The following ANKS1B variants were observed in gnomAD, a reference collection of about 807,000 sequenced individuals.
ANKS1B encodes ankyrin repeat and sterile alpha motif domain-containing protein 1B.
Under a neutral mutation model 148.3 loss-of-function variants are expected in ANKS1B, and 36 were observed. The observed-to-expected ratio is 0.24, with a 90% CI of 0.19 to 0.32. The LOEUF (loss-of-function observed/expected upper bound fraction) is 0.32, where lower values mean the gene tolerates loss of function less well. Among genes scored for constraint, ANKS1B ranks in the 10% least tolerant of loss-of-function variants. ANKS1B has a pLI of 1.00. For synonymous variants in ANKS1B, 542 were observed against 560.8 expected, an observed-to-expected ratio of 0.97 and a Z score of 0.47; for missense variants, 1,157 against 1,542.6, an observed-to-expected ratio of 0.75 and a Z score of 4.19.
chr12:99,429,123 G>A (rs7316092), intron 11 of ANKS1B, among the ~76,000 whole-genome samples: 2,225 of 152,188 alleles, frequency 0.015, 56 homozygotes, highest in South Asian at 0.04. Flanking sequence ...CCCCACAAAT[G>A]TATACACATT....
chr12:98,877,977 T>C (rs976427801), intron 17 of ANKS1B, among the ~76,000 whole-genome samples: 2 of 152,146 alleles, frequency 1.3e-5, no homozygotes, highest in African/African-American at 4.8e-5. Context: ...GCTTACAATC[T>C]ACTAGAGGAA....
intron 10 of ANKS1B, 45 bp downstream of exon 10, chr12:99,504,431 A>G: frequency 6.3e-7 from 1 of 1,578,892 alleles, no homozygotes; most frequent in Non-Finnish European, 8.6e-7. Flanking sequence ...TCATATGAAT[A>G]AGCAAGTAAA....
At chr12:98,763,724 T>G (rs1176771699) in intron 25 of ANKS1B, among the ~76,000 whole-genome samples, 1 of 152,246 alleles carries the variant, frequency 6.6e-6, no homozygotes, top group Non-Finnish European at 1.5e-5. Flanking sequence ...GAATACTTTA[T>G]GAGTCTAAAA....
chr12:99,546,308 T>G lies in ANKS1B; in HGVS notation c.1273-41667A>C, dbSNP rs760072755. 1.7e-4 allele frequency among the ~76,000 whole-genome samples: 26 copies of G among 152,306 alleles called. 1 individual carries two copies. The highest frequency in any genetic ancestry group is 1.0e-3 in the Admixed American group (16 of 15,282). On this transcript the variant is annotated intron_variant, in intron 9 of 26. Transcript: ENST00000683438. ...TAATATATATAAGGAAGGGCTAACT[T>G]AAGAAAGACATGCTTTTCAAGAGTT...
intron 1 of ANKS1B, among the ~76,000 whole-genome samples, chr12:99,949,499 T>C (rs1350883130): frequency 1.3e-5 from 2 of 152,086 alleles, no homozygotes; most frequent in Admixed American, 1.3e-4. Flanking sequence ...GGTTAATAAG[T>C]TACTGTAATA....
intron 1 of ANKS1B, among the ~76,000 whole-genome samples, chr12:99,913,101 C>T (rs909985759): frequency 8.5e-5 from 13 of 152,166 alleles, no homozygotes; most frequent in Non-Finnish European, 1.8e-4. Context: ...CCCTTATTTT[C>T]ATATAACTCT....
rs144485816 is a variant in ANKS1B at position 99,574,899 on chromosome 12, C to T, written c.1273-70258G>A. Among the ~76,000 whole-genome samples the T allele has an allele frequency of 3.5e-4, 54 of 152,138 alleles. No homozygotes were observed. The East Asian group carries it at 7.9e-3, about 22-fold the overall frequency. On this transcript the variant is annotated intron_variant, in intron 9 of 26. Coordinates refer to ENST00000683438, the MANE Select transcript of ANKS1B (RefSeq NM_001352186.2). ...CTACTTTCAAAATTCCATTTACCAT[C>T]GTGCCAGAGGTTCTAGCCAGTACAG... is the stretch of plus-strand genomic sequence containing the variant.
intron 16 of ANKS1B, among the ~76,000 whole-genome samples, chr12:99,080,923 G>C (rs2153614716): frequency 6.6e-6 from 1 of 152,276 alleles, no homozygotes; most frequent in African/African-American, 2.4e-5. Flanking sequence ...TGATCTTCAA[G>C]AAGTCCAGGA....
chr12:99,374,576 G>C (rs2093307257), intron 12 of ANKS1B, among the ~76,000 whole-genome samples: 1 of 152,150 alleles, frequency 6.6e-6, no homozygotes, highest in South Asian at 2.1e-4. Flanking sequence ...TGTATGTATA[G>C]TTCACATTTA....
chr12:99,839,337 A>T (rs919282987), intron 1 of ANKS1B, among the ~76,000 whole-genome samples: 29 of 152,180 alleles, frequency 1.9e-4, no homozygotes, highest in African/African-American at 6.8e-4. Flanking sequence ...TTTCCAGCTG[A>T]ATCTGATTTC....
At chr12:98,832,493 G>T (rs1356440646) in intron 17 of ANKS1B, among the ~76,000 whole-genome samples, 2 of 152,044 alleles carry the variant, frequency 1.3e-5, no homozygotes. Flanking sequence ...GGGACAGGCT[G>T]CCCTCTGTCT....
At chr12:99,690,885 A>C (rs2098675694) in intron 8 of ANKS1B, among the ~76,000 whole-genome samples, 1 of 152,074 alleles carries the variant, frequency 6.6e-6, no homozygotes, top group Non-Finnish European at 1.5e-5. Flanking sequence ...TCAACCCCAC[A>C]TTTTCCTTCC....
chr12:99,139,040 T>C (rs1021640659), intron 15 of ANKS1B, among the ~76,000 whole-genome samples: 2 of 149,596 alleles, frequency 1.3e-5, no homozygotes, highest in Admixed American at 6.6e-5. Context: ...TTCACTCAGT[T>C]TCCCAGGCTA....
At chr12:99,063,400 G>C (rs2043070369) in intron 16 of ANKS1B, among the ~76,000 whole-genome samples, 1 of 152,200 alleles carries the variant, frequency 6.6e-6, no homozygotes, top group African/African-American at 2.4e-5. Context: ...TCCAAATGCA[G>C]GTCTATCAAG....
intron 17 of ANKS1B, among the ~76,000 whole-genome samples, chr12:98,874,230 G>C (rs1209379628): frequency 6.6e-6 from 1 of 152,018 alleles, no homozygotes; most frequent in Non-Finnish European, 1.5e-5. Flanking sequence ...GCAATATTGT[G>C]AGAGCAATAA....
chr12:99,476,667 C>T (rs1412460200), intron 10 of ANKS1B, among the ~76,000 whole-genome samples: 1 of 152,130 alleles, frequency 6.6e-6, no homozygotes, highest in Non-Finnish European at 1.5e-5. Context: ...CTATTTTGCA[C>T]TATCTTCACT....
At chr12:99,593,787 T>C (rs1486877905) in intron 9 of ANKS1B, among the ~76,000 whole-genome samples, 1 of 152,100 alleles carries the variant, frequency 6.6e-6, no homozygotes, top group African/African-American at 2.4e-5. Flanking sequence ...AGCATTTAAA[T>C]TCCATGAGAA....
At chr12:99,081,400 G>A (rs2049704902) in intron 16 of ANKS1B, among the ~76,000 whole-genome samples, 1 of 152,144 alleles carries the variant, frequency 6.6e-6, no homozygotes, top group South Asian at 2.1e-4. Context: ...GACTGAAATT[G>A]TATAAACAAA....
intron 10 of ANKS1B, among the ~76,000 whole-genome samples, chr12:99,481,255 A>T (rs1225073413): frequency 6.6e-6 from 1 of 151,692 alleles, no homozygotes; most frequent in Non-Finnish European, 1.5e-5. Flanking sequence ...CTTACCTCCC[A>T]TTTATAACTG....
Sources: gnomAD v4.1 joint callset for allele counts (sites outside exome capture counted in the v4.1 genomes callset) on GRCh38, gnomAD v4.1.1 for gene constraint, MANE v1.5 for transcripts, NCBI Gene and HGNC (gene_info 2026-07-23, HGNC 2026-07-21) for gene names.